The following RGS6 variants were observed in gnomAD, a reference collection of about 807,000 sequenced individuals.
The protein encoded by RGS6 is regulator of G protein signaling 6.
In RGS6, 30 loss-of-function variants were observed where a neutral mutation model predicts 78.5. The ratio of observed to expected loss-of-function variants is 0.38; its 90% CI spans 0.29 to 0.52. The LOEUF (loss-of-function observed/expected upper bound fraction) is 0.52. Ranked by LOEUF, RGS6 falls within the 20% of genes least tolerant of loss-of-function variation. RGS6 has a pLI of 0.85. For synonymous variants in RGS6, 206 were observed against 206.0 expected, an observed-to-expected ratio of 1.00 and a Z score of 0.00; for missense variants, 495 against 609.7, an observed-to-expected ratio of 0.81 and a Z score of 1.98.
intron 17 of RGS6, among the ~76,000 whole-genome samples, chr14:72,553,533 T>A (rs2097534068): frequency 6.6e-6 from 1 of 152,152 alleles, no homozygotes; most frequent in Non-Finnish European, 1.5e-5. Flanking sequence ...GGTGTCTCTG[T>A]TTTTTCTGCC....
chr14:71,883,237 T>G, the RGS6 span, among the ~76,000 whole-genome samples: 2 of 152,232 alleles, frequency 1.3e-5, no homozygotes, highest in African/African-American at 4.8e-5. Flanking sequence ...TAGTTCCCCT[T>G]TTTGAATGGC....
At chr14:72,193,924 T>C (rs1347702008) in intron 2 of RGS6, among the ~76,000 whole-genome samples, 1 of 152,136 alleles carries the variant, frequency 6.6e-6, no homozygotes, top group Non-Finnish European at 1.5e-5. Flanking sequence ...ATGCTGCTCA[T>C]ATCTGTTCTG....
At chr14:72,432,844 G>A (rs1321490745) in intron 3 of RGS6, among the ~76,000 whole-genome samples, 1 of 152,186 alleles carries the variant, frequency 6.6e-6, no homozygotes, top group East Asian at 1.9e-4. Context: ...ACTTGAAGCA[G>A]AAGGAAATAT....
chr14:71,994,720 A>G (rs1364269105), intron 2 of RGS6, among the ~76,000 whole-genome samples: 1 of 152,066 alleles, frequency 6.6e-6, no homozygotes, highest in Middle Eastern at 3.2e-3. Flanking sequence ...AAAGATTGGA[A>G]TGATGCTGTC....
chr14:72,340,466 C>T (rs2681770), intron 2 of RGS6, among the ~76,000 whole-genome samples: 48,662 of 151,962 alleles, frequency 0.32, 8,120 homozygotes, highest in South Asian at 0.43. Flanking sequence ...CAGAAGCAGC[C>T]CTCAGGAGGA....
chr14:71,923,556 AT>A, the RGS6 span, among the ~76,000 whole-genome samples: 1 of 151,936 alleles, frequency 6.6e-6, no homozygotes, highest in South Asian at 2.1e-4. Context: ...CCTCATATCT[AT>A]TTTTTTTAAA....
the RGS6 span, among the ~76,000 whole-genome samples, chr14:72,617,263 G>T: frequency 6.6e-6 from 1 of 152,202 alleles, no homozygotes; most frequent in Non-Finnish European, 1.5e-5. Context: ...AGCTATTGTG[G>T]CACTTGGGAA....
chr14:72,343,085 G>A (rs950039465), intron 2 of RGS6, among the ~76,000 whole-genome samples: 1 of 152,236 alleles, frequency 6.6e-6, no homozygotes, highest in Non-Finnish European at 1.5e-5. Flanking sequence ...ATCACTGTGT[G>A]TATTCGTTTT....
chr14:72,268,056 C>A (rs549025102), intron 2 of RGS6, among the ~76,000 whole-genome samples: 71 of 152,164 alleles, frequency 4.7e-4, no homozygotes, highest in Non-Finnish European at 9.1e-4. Context: ...CATGTCCTCG[C>A]AATTATTCTA....
chr14:72,616,729 T>G, the RGS6 span, among the ~76,000 whole-genome samples: 2 of 152,144 alleles, frequency 1.3e-5, no homozygotes, highest in African/African-American at 4.8e-5. Flanking sequence ...ACACAAAAAC[T>G]CTGATCCTTC....
chr14:72,471,606 T>C lies in RGS6; in HGVS notation c.537-1266T>C, dbSNP rs147815312. ...AGACTCATCACAGCTATGGTCACAG[T>C]TGGAAGTGACCTGAGGCCATCTGGT... On this transcript the variant is annotated intron_variant, in intron 8 of 17. Coordinates refer to ENST00000553525, the MANE Select transcript of RGS6 (RefSeq NM_001204424.2). Among the ~76,000 whole-genome samples the C allele has an allele frequency of 4.8e-4, 73 of 152,120 alleles. 1 individual carries two copies. Among genetic ancestry groups the C allele is most frequent in the Admixed American group, 7.9e-4 (12 of 15,274 alleles).
chr14:72,175,263 G>T (rs1423723396), intron 2 of RGS6, among the ~76,000 whole-genome samples: 2 of 152,088 alleles, frequency 1.3e-5, no homozygotes, highest in Admixed American at 1.3e-4. Flanking sequence ...CTTATGTTCT[G>T]GTTAAGTATT....
At chr14:72,372,960 A>G (rs1484791768) in intron 3 of RGS6, among the ~76,000 whole-genome samples, 2 of 152,198 alleles carry the variant, frequency 1.3e-5, no homozygotes, top group East Asian at 3.9e-4. Context: ...AATAGGGCCC[A>G]TATTGTAGTG....
intron 15 of RGS6, 90 bp downstream of exon 15, chr14:72,518,627 G>A: frequency 8.0e-7 from 1 of 1,242,712 alleles, no homozygotes; most frequent in Non-Finnish European, 1.1e-6. Flanking sequence ...GGCATTGTGG[G>A]TAGTTAAAAT....
chr14:72,517,400 G>A (rs2096963232), intron 14 of RGS6, among the ~76,000 whole-genome samples: 1 of 152,206 alleles, frequency 6.6e-6, no homozygotes, highest in African/African-American at 2.4e-5. Flanking sequence ...AGGCTGCCTT[G>A]GGAACCATCC....
intron 2 of RGS6, among the ~76,000 whole-genome samples, chr14:72,256,800 A>G (rs847234): frequency 0.99 from 150,455 of 152,334 alleles, 74,309 homozygotes; most frequent in East Asian, 1. Flanking sequence ...CATAATTTTT[A>G]GAAAGGTGGT....
At chr14:72,227,255 C>T (rs2153803694) in intron 2 of RGS6, among the ~76,000 whole-genome samples, 1 of 152,274 alleles carries the variant, frequency 6.6e-6, no homozygotes, top group East Asian at 1.9e-4. Flanking sequence ...TCCTTCTTTT[C>T]ATTTTAATAT....
chr14:72,169,009 C>CCCACTG (rs1270196513), intron 2 of RGS6, among the ~76,000 whole-genome samples: 6 of 152,226 alleles, frequency 3.9e-5, no homozygotes, highest in Non-Finnish European at 5.9e-5. Context: ...CCTGCCCACC[C>CCCACTG]CCACTGCCAC....
At chr14:72,264,189 A>C (rs2058654266) in intron 2 of RGS6, among the ~76,000 whole-genome samples, 1 of 152,216 alleles carries the variant, frequency 6.6e-6, no homozygotes, top group African/African-American at 2.4e-5. Flanking sequence ...ATTGTAAACA[A>C]GGGATCCCGA....
Sources: gnomAD v4.1 joint callset for allele counts (sites outside exome capture counted in the v4.1 genomes callset) on GRCh38, gnomAD v4.1.1 for gene constraint, MANE v1.5 for transcripts, NCBI Gene and HGNC (gene_info 2026-07-23, HGNC 2026-07-21) for gene names.